ATP10A: variants seen among roughly 807,000 people sequenced by gnomAD.
ATP10A encodes the protein phospholipid-transporting ATPase VA.
A neutral mutation model predicts 147.8 loss-of-function variants in ATP10A; 111 were observed. That is an observed-to-expected ratio of 0.75 (90% CI 0.64 to 0.88). ATP10A has a LOEUF of 0.88. Among genes scored for constraint, ATP10A ranks in the 40% least tolerant of loss-of-function variants. The probability of loss-of-function intolerance (pLI) is 0.00; values close to 1 mark genes in which losing one functional copy is unlikely to be tolerated. For synonymous variants in ATP10A, 875 were observed against 841.6 expected, an observed-to-expected ratio of 1.04 and a Z score of -0.69; for missense variants, 1,927 against 1,959.0, an observed-to-expected ratio of 0.98 and a Z score of 0.31.
At chr15:25,808,013 T>C (rs1398923195) in intron 1 of ATP10A, among the ~76,000 whole-genome samples, 1 of 152,106 alleles carries the variant, frequency 6.6e-6, no homozygotes, top group Non-Finnish European at 1.5e-5. Context: ...AAGTTAAATC[T>C]GTCATATTTA....
intron 12 of ATP10A, among the ~76,000 whole-genome samples, chr15:25,703,361 T>G (rs1900784921): frequency 6.6e-6 from 1 of 151,954 alleles, no homozygotes; most frequent in African/African-American, 2.4e-5. Flanking sequence ...TCTCAAGAAA[T>G]AAATAAATAA....
intron 16 of ATP10A, among the ~76,000 whole-genome samples, chr15:25,685,783 C>T (rs893221433): frequency 1.3e-5 from 2 of 150,802 alleles, no homozygotes; most frequent in Admixed American, 1.3e-4. Flanking sequence ...AGAGTGGCGC[C>T]ACTGCACTCC....
chr15:25,714,284 G>C (rs772280778), intron 9 of ATP10A, 43 bp from the exon 10 acceptor site: 1 of 1,572,744 alleles, frequency 6.4e-7, no homozygotes, highest in Non-Finnish European at 8.6e-7. Flanking sequence ...GAACTGCTAT[G>C]TCCCCCAGAG....
chr15:25,762,447 G>A (rs79100803), intron 2 of ATP10A, among the ~76,000 whole-genome samples: 5,867 of 152,054 alleles, frequency 0.039, 314 homozygotes, highest in African/African-American at 0.13. Flanking sequence ...CGGCAAATTC[G>A]AAAGAAAAAT....
intron 7 of ATP10A, 144 bp from the exon 8 acceptor site, chr15:25,718,543 G>T: frequency 2.5e-6 from 2 of 804,988 alleles, no homozygotes; most frequent in Non-Finnish European, 2.0e-6. Context: ...TAATAGCAAG[G>T]CACGGAGAAC....
chr15:25,742,540 G>A (rs779147699), intron 2 of ATP10A, among the ~76,000 whole-genome samples: 2 of 152,246 alleles, frequency 1.3e-5, no homozygotes, highest in Admixed American at 6.5e-5. Context: ...AAAAAGCCTC[G>A]GTAGATGGTG....
At chr15:25,803,219 T>C (rs566563822) in intron 1 of ATP10A, among the ~76,000 whole-genome samples, 2 of 152,216 alleles carry the variant, frequency 1.3e-5, no homozygotes, top group African/African-American at 2.4e-5. Context: ...TCCTTCCCTG[T>C]CTCGGGCACT....
At chr15:25,791,083 T>A (rs569928798) in intron 1 of ATP10A, among the ~76,000 whole-genome samples, 66 of 143,786 alleles carry the variant, frequency 4.6e-4, no homozygotes, top group African/African-American at 1.6e-3. Flanking sequence ...TCCCTGCAAG[T>A]GTTTTTTTTT....
At chr15:25,738,264 C>T (rs901390435) in intron 2 of ATP10A, among the ~76,000 whole-genome samples, 4 of 152,218 alleles carry the variant, frequency 2.6e-5, no homozygotes, top group African/African-American at 9.6e-5. Context: ...GACTTGTCAA[C>T]CTGCCCCCTG....
intron 4 of ATP10A, among the ~76,000 whole-genome samples, chr15:25,726,907 A>G (rs1473931547): frequency 6.6e-6 from 1 of 151,144 alleles, no homozygotes; most frequent in African/African-American, 2.4e-5. Context: ...CAAAAAAAAA[A>G]AAAGGAGCCG....
intron 1 of ATP10A, among the ~76,000 whole-genome samples, chr15:25,847,957 T>C (rs1276646977): frequency 6.7e-6 from 1 of 149,598 alleles, no homozygotes; most frequent in Non-Finnish European, 1.5e-5. Flanking sequence ...ACGGAAATCA[T>C]CTTAATCAAT....
rs186634487 is a variant in ATP10A, at chr15:25,843,082, T to C, written c.449+19566A>G. Among the ~76,000 whole-genome samples, 85 of 152,270 alleles carry C rather than the reference T, an allele frequency of 5.6e-4. 1 individual carries two copies. Among genetic ancestry groups the C allele is most frequent in the Non-Finnish European group, 1.0e-3 (71 of 68,012 alleles). On this transcript the variant is annotated intron_variant, in intron 1 of 20. Transcript: ENST00000555815. ...TTATCCAGAATTTCAAAACCTATTG[T>C]TCTGAGTGGCTGCCAGGAGGTGCCA...
intron 2 of ATP10A, among the ~76,000 whole-genome samples, chr15:25,777,774 C>CTTTTT (rs1427683713): frequency 3.0e-5 from 2 of 66,594 alleles, no homozygotes; most frequent in Non-Finnish European, 3.1e-5. Context: ...AATTTTTTTT[C>CTTTTT]TTTCTTTCTT....
rs1458808353 is a variant in ATP10A at position 25,716,840 on chromosome 15, G to T, written c.1666C>A (p.His556Asn). The T allele has an allele frequency of 6.2e-7, 1 of 1,611,052 alleles. No homozygotes were observed. The highest frequency in any genetic ancestry group is 2.2e-5 in the East Asian group (1 of 44,494). The change falls in exon 9 of 21, where the codon CAC becomes AAC. Residue 556 changes from histidine to asparagine, a missense_variant. Transcript: ENST00000555815. Reference protein sequence around the residue: ...KSLAVARHQEHLLAHLSPELS... With the variant: ...KSLAVARHQENLLAHLSPELS... ...TCAGGCGAGAGGTGGGCCAGCAGGTGCTCCTGATGCCTCGCCACGGCTAGG... is the reference window on the plus strand; with the variant it reads ...TCAGGCGAGAGGTGGGCCAGCAGGTTCTCCTGATGCCTCGCCACGGCTAGG...
intron 1 of ATP10A, among the ~76,000 whole-genome samples, chr15:25,856,997 G>C (rs1893547226): frequency 6.6e-6 from 1 of 152,108 alleles, no homozygotes; most frequent in African/African-American, 2.4e-5. Flanking sequence ...GTTTTCTGGG[G>C]GAAAATCTAT....
chr15:25,722,336 G>A (rs1596758041), intron 6 of ATP10A, among the ~76,000 whole-genome samples: 1 of 152,306 alleles, frequency 6.6e-6, no homozygotes, highest in South Asian at 2.1e-4. Flanking sequence ...CCATTTCCCA[G>A]GGATACAACC....
At chr15:25,788,360 C>T (rs983478317) in intron 1 of ATP10A, among the ~76,000 whole-genome samples, 26 of 152,302 alleles carry the variant, frequency 1.7e-4, no homozygotes, top group Admixed American at 4.6e-4. Flanking sequence ...TCTGAGTGCC[C>T]GAGTTCCTGA....
At chr15:25,718,428 T>C (rs754612440) in intron 7 of ATP10A, 29 bp from the exon 8 acceptor site, 3 of 1,561,890 alleles carry the variant, frequency 1.9e-6, no homozygotes, top group Non-Finnish European at 2.6e-6. Flanking sequence ...GGGTGAGGCA[T>C]CATGGGGGAA....
chr15:25,848,979 C>A (rs563252706), intron 1 of ATP10A, among the ~76,000 whole-genome samples: 1 of 152,122 alleles, frequency 6.6e-6, no homozygotes, highest in Non-Finnish European at 1.5e-5. Context: ...AAGGAGCTCG[C>A]CACACCTACC....
Sources: gnomAD v4.1 joint callset for allele counts (sites outside exome capture counted in the v4.1 genomes callset) on GRCh38, gnomAD v4.1.1 for gene constraint, MANE v1.5 for transcripts, NCBI Gene and HGNC (gene_info 2026-07-23, HGNC 2026-07-21) for gene names.